The following SLC1A4 variants were observed in gnomAD, a reference collection of about 807,000 sequenced individuals.
SLC1A4 encodes the protein neutral amino acid transporter A.
SLC1A4 carries 19 observed loss-of-function variants against 37.7 expected under a neutral mutation model. That is an observed-to-expected ratio of 0.50 (90% CI 0.35 to 0.74). The LOEUF is 0.74. Among genes scored for constraint, SLC1A4 ranks in the 30% least tolerant of loss-of-function variants. The probability of loss-of-function intolerance (pLI) is 0.01; values close to 1 mark genes in which losing one functional copy is unlikely to be tolerated. For missense variants in SLC1A4, 570 were observed against 712.9 expected, an observed-to-expected ratio of 0.80 and a Z score of 2.28; for synonymous variants, 299 against 309.8, an observed-to-expected ratio of 0.97 and a Z score of 0.37.
Position 65,018,090 on chromosome 2 carries a change from A to G in SLC1A4, c.1054A>G (p.Met352Val). Reference protein sequence around the residue: ...TCSSSATLPSMMKCIEENNGV... With the variant: ...TCSSSATLPSVMKCIEENNGV... ...TTCTAGCTCAGCGACCCTTCCCTCT[A>G]TGATGAAGTGCATTGAAGAGAACAA... Residue 352 changes from methionine (M) to valine (V), a missense_variant, in exon 6 of 8, where the codon ATG (methionine) becomes GTG (valine). Met to Val is a conservative substitution (Grantham distance 21). Coordinates refer to ENST00000234256, the MANE Select transcript of SLC1A4 (RefSeq NM_003038.5). The surrounding 1 kb of genome is among the most constrained non-coding windows in gnomAD (Gnocchi z 4.3). 6.2e-7 allele frequency: 1 copy of G among 1,613,906 alleles called. No individual in the cohort carries two copies. Among genetic ancestry groups the G allele is most frequent in the Non-Finnish European group, 8.5e-7 (1 of 1,179,890 alleles).
At chr2:65,011,796 CCT>C in intron 4 of SLC1A4, among the ~76,000 whole-genome samples, 1 of 152,102 alleles carries the variant, frequency 6.6e-6, no homozygotes, top group Admixed American at 6.6e-5. Flanking sequence ...TGAGACGGAG[CCT>C]CTCTCTGTTG....
intron 1 of SLC1A4, chr2:64,999,699 G>A (rs554836813): frequency 2.6e-4 from 39 of 152,120 alleles, no homozygotes; most frequent in African/African-American, 8.9e-4. Flanking sequence ...GTTCCTTGAA[G>A]TTTGGACTGG....
intron 2 of SLC1A4, among the ~76,000 whole-genome samples, chr2:65,002,682 A>G (rs1673523093): frequency 7.0e-6 from 1 of 142,778 alleles, no homozygotes; most frequent in Non-Finnish European, 1.5e-5. Context: ...GGTTCACGCC[A>G]TTCTCCTGCC....
chr2:65,012,878 A>C (rs1003174442), intron 4 of SLC1A4, among the ~76,000 whole-genome samples: 3 of 152,244 alleles, frequency 2.0e-5, no homozygotes, highest in Non-Finnish European at 4.4e-5. Flanking sequence ...ATCTCTACAA[A>C]ATATAAACAA....
intron 1 of SLC1A4, among the ~76,000 whole-genome samples, chr2:64,992,208 G>C (rs973788664): frequency 3.3e-5 from 5 of 152,214 alleles, no homozygotes; most frequent in African/African-American, 1.2e-4. Flanking sequence ...GCTCTGTCCT[G>C]CTATGGTCCC....
intron 1 of SLC1A4, chr2:64,994,817 T>A (rs531255376): frequency 2.6e-5 from 4 of 152,322 alleles, no homozygotes; most frequent in African/African-American, 9.6e-5. Flanking sequence ...CGTGCAAGGA[T>A]GACACACAAC....
chr2:64,997,599 C>T (rs1005491311), intron 1 of SLC1A4, among the ~76,000 whole-genome samples: 2 of 152,208 alleles, frequency 1.3e-5, no homozygotes, highest in African/African-American at 4.8e-5. Context: ...TTGTTTTGCT[C>T]AGCACAGTGT....
chr2:64,999,810 CAAT>C (rs1487774098), intron 1 of SLC1A4: 1 of 151,700 alleles, frequency 6.6e-6, no homozygotes. Flanking sequence ...AAGCAGAAGA[CAAT>C]AAGAAGAGTC....
chr2:64,988,708 G>C (rs1672901030), upstream of SLC1A4: 1 of 152,308 alleles, frequency 6.6e-6, no homozygotes. Context: ...TCAAGGCCGG[G>C]GCCTTGCTGG....
At chr2:64,999,205 CT>C (rs1339950903) in intron 1 of SLC1A4, among the ~76,000 whole-genome samples, 2 of 152,182 alleles carry the variant, frequency 1.3e-5, no homozygotes, top group Non-Finnish European at 2.9e-5. Context: ...GTAAATATAG[CT>C]GTGATAAGAA....
At chr2:65,008,843 A>C (rs1030751997) in intron 3 of SLC1A4, among the ~76,000 whole-genome samples, 4 of 152,178 alleles carry the variant, frequency 2.6e-5, no homozygotes, top group African/African-American at 9.6e-5. Flanking sequence ...CTTCATAGCA[A>C]CTTTACATAT....
In SLC1A4 at chr2:65,018,298, T is replaced by G. The variant is rs1674249375; in HGVS notation, c.1229+33T>G. On this transcript the variant is annotated intron_variant, in intron 6 of 7. Coordinates refer to ENST00000234256, the MANE Select transcript of SLC1A4 (RefSeq NM_003038.5). The surrounding 1 kb of genome is among the most constrained non-coding windows in gnomAD (Gnocchi z 4.3). Reference sequence around the variant, plus strand: ...CCTCATTCTTTCCCTGGCTCAAAACTGAAGGCTTTTCTTGTGATTTCCTTT... The same window carrying G: ...CCTCATTCTTTCCCTGGCTCAAAACGGAAGGCTTTTCTTGTGATTTCCTTT... 5.6e-6 allele frequency: 9 copies of G among 1,593,420 alleles called. No individual in the cohort carries two copies. The highest frequency in any genetic ancestry group is 7.7e-6 in the Non-Finnish European group (9 of 1,165,286).
chr2:65,018,440 G>T lies in SLC1A4; in HGVS notation c.1230-105G>T. ...GGCGTAGCCAGCAGAGCCTATGGTGGGGCGGTTTTTAGTTTCCAGCCACAT... is the reference window on the plus strand; with the variant it reads ...GGCGTAGCCAGCAGAGCCTATGGTGTGGCGGTTTTTAGTTTCCAGCCACAT... On this transcript the variant is annotated intron_variant, in intron 6 of 7. Transcript: ENST00000234256. The surrounding 1 kb of genome is among the most constrained non-coding windows in gnomAD (Gnocchi z 4.3). The T allele has an allele frequency of 6.7e-7, 1 of 1,500,126 alleles. No individual in the cohort carries two copies. The highest frequency in any genetic ancestry group is 2.3e-5 in the East Asian group (1 of 43,534). 92.9% of individuals were successfully genotyped at this position (1,500,126 alleles called of 1,614,324 possible).
intron 1 of SLC1A4, 80 bp downstream of exon 1, chr2:64,990,250 T>C: frequency 1.6e-6 from 2 of 1,263,320 alleles, no homozygotes; most frequent in South Asian, 3.1e-5. Context: ...CCCATATGCT[T>C]ATACACTCCT....
rs1673892685 is a variant in SLC1A4, at chr2:65,010,874, T to A, written c.800+111T>A. The stretch of plus-strand genomic sequence containing the variant: ...TGGGGCCACCTGGCACAATGCTGTG[T>A]ATGTGGTTGATGCACCATGAGCCAG... On this transcript the variant is annotated intron_variant, in intron 4 of 7. Coordinates refer to ENST00000234256, the MANE Select transcript of SLC1A4 (RefSeq NM_003038.5). 3 of 1,095,708 alleles carry A rather than the reference T, an allele frequency of 2.7e-6. No homozygotes were observed. In the East Asian group the frequency reaches 7.3e-5, roughly 27 times the overall value. 67.9% of individuals were successfully genotyped at this position (1,095,708 alleles called of 1,614,324 possible). A position where few individuals can be genotyped will look rare whatever the true frequency, so the allele number is the denominator to read the frequency against.
In SLC1A4 at chr2:65,014,008, A is replaced by G. The variant is rs142919046; in HGVS notation, c.801-2432A>G. ...CTCACGCTGCTAACTCCTGGATTAA[A>G]CTGACCAGGGAGAAAGGAAGAAAAG... On this transcript the variant is annotated intron_variant, in intron 4 of 7. Coordinates refer to ENST00000234256, the MANE Select transcript of SLC1A4 (RefSeq NM_003038.5). Among the ~76,000 whole-genome samples the G allele has an allele frequency of 2.4e-3, 368 of 152,330 alleles. 2 individuals are homozygous for G. The highest frequency in any genetic ancestry group is 8.6e-3 in the African/African-American group (356 of 41,574).
chr2:64,993,378 A>T (rs890647639), intron 1 of SLC1A4, among the ~76,000 whole-genome samples: 1 of 152,222 alleles, frequency 6.6e-6, no homozygotes, highest in Non-Finnish European at 1.5e-5. Context: ...ATGTTTTTTT[A>T]AAATTCAGAA....
intron 3 of SLC1A4, among the ~76,000 whole-genome samples, chr2:65,008,294 C>A (rs185333308): frequency 6.6e-6 from 1 of 152,274 alleles, no homozygotes; most frequent in East Asian, 1.9e-4. Flanking sequence ...TTCAGCTATA[C>A]CCACCGCACC....
In SLC1A4 at chr2:65,006,554, C is replaced by T. The variant is rs191460615; in HGVS notation, c.633+2539C>T. Among the ~76,000 whole-genome samples the T allele has an allele frequency of 9.9e-5, 15 of 152,188 alleles. No homozygotes were observed. The East Asian group carries it at 2.7e-3, about 27-fold the overall frequency. ...GCAGTGTGTCCTCGCTGGTTCCAGG[C>T]TTTCCTAAACCCTGTGGCGAGAAGA... On this transcript the variant is annotated intron_variant, in intron 3 of 7. Transcript: ENST00000234256.
Sources: allele counts gnomAD v4.1 joint callset (sites outside exome capture counted in the v4.1 genomes callset), GRCh38; gene constraint gnomAD v4.1.1; non-coding constraint Gnocchi (gnomAD v3.1); transcripts MANE v1.5; gene names NCBI Gene and HGNC (gene_info 2026-07-23, HGNC 2026-07-21).